The following FGD1 variants were observed in gnomAD, a reference collection of about 807,000 sequenced individuals.
FGD1 encodes FYVE, RhoGEF and PH domain-containing protein 1.
Under a neutral mutation model 65.0 loss-of-function variants are expected in FGD1, and 12 were observed. That is an observed-to-expected ratio of 0.18 (90% CI 0.12 to 0.30). The LOEUF (loss-of-function observed/expected upper bound fraction) is 0.30. Ranked by LOEUF, FGD1 falls within the 10% of genes least tolerant of loss-of-function variation. The probability of loss-of-function intolerance (pLI) is 1.00; values close to 1 mark genes in which losing one functional copy is unlikely to be tolerated. For missense variants in FGD1, 542 were observed against 837.6 expected (o/e 0.65, Z 4.36); for synonymous variants, 333 against 343.9 (o/e 0.97, Z 0.35).
chrX:54,482,441 G>A (rs971272820), intron 1 of FGD1, among the ~76,000 whole-genome samples: 6 of 112,133 alleles, frequency 5.4e-5, no homozygotes, highest in African/African-American at 1.9e-4. Flanking sequence ...AGGAGCTGGG[G>A]ACTTCAGAGG....
intron 1 of FGD1, among the ~76,000 whole-genome samples, chrX:54,493,686 A>G (rs1172546469): frequency 3.6e-5 from 4 of 112,126 alleles, no homozygotes; most frequent in Non-Finnish European, 3.8e-5. Context: ...CACAGTGTCA[A>G]GGGGAGTTTG....
At chrX:54,459,032 G>T (rs1922572132) in intron 8 of FGD1, among the ~76,000 whole-genome samples, 1 of 111,248 alleles carries the variant, frequency 9.0e-6, no homozygotes, top group African/African-American at 3.3e-5. Context: ...AGCTGGGAAT[G>T]ATCTCCCAGC....
At chrX:54,474,426 A>C (rs1922971738) in intron 1 of FGD1, among the ~76,000 whole-genome samples, 1 of 112,641 alleles carries the variant, frequency 8.9e-6, no homozygotes, top group Non-Finnish European at 1.9e-5. Context: ...GCTACATCCC[A>C]GCCAGGTCCA....
At chrX:54,472,420 T>C in intron 1 of FGD1, among the ~76,000 whole-genome samples, 1 of 110,453 alleles carries the variant, frequency 9.1e-6, no homozygotes, top group Non-Finnish European at 1.9e-5. Context: ...ACATCCAGAG[T>C]TCAGGTCACA....
In FGD1 at chrX:54,456,573, G is replaced by C. The variant is rs1249817980; in HGVS notation, c.1637-6C>G. ...GGCGATCAGCTCCAGAGACTCTACA[G>C]GCATAGAGGGGTGAGGTCAGATGGG... On this transcript the variant is annotated splice_region_variant and splice_polypyrimidine_tract_variant and intron_variant, in intron 8 of 17. Coordinates refer to ENST00000375135, the MANE Select transcript of FGD1 (RefSeq NM_004463.3). 1 of 1,203,760 alleles carries C rather than the reference G, an allele frequency of 8.3e-7. No homozygotes were observed. The highest frequency in any genetic ancestry group is 1.7e-5 in the African/African-American group (1 of 57,615).
intron 8 of FGD1, among the ~76,000 whole-genome samples, chrX:54,457,625 A>G (rs1034886974): frequency 9.0e-6 from 1 of 111,729 alleles, no homozygotes; most frequent in Non-Finnish European, 1.9e-5. Flanking sequence ...TAAGAAAAGG[A>G]TACAAACATG....
At chrX:54,453,975 TA>T (rs1356688537) in intron 12 of FGD1, among the ~76,000 whole-genome samples, 1 of 112,230 alleles carries the variant, frequency 8.9e-6, no homozygotes, top group African/African-American at 3.2e-5. Context: ...ATGTTTATTA[TA>T]AAAAACTTCA....
intron 12 of FGD1, among the ~76,000 whole-genome samples, chrX:54,451,486 T>C (rs780877644): frequency 9.1e-6 from 1 of 109,375 alleles, no homozygotes; most frequent in Non-Finnish European, 1.9e-5. Flanking sequence ...GGTTTTGCCA[T>C]GTTGGCCAGG....
chrX:54,470,089 T>C lies in FGD1; in HGVS notation c.1028A>G (p.Asp343Gly). 8.3e-7 allele frequency: 1 copy of C among 1,208,655 alleles called. No individual in the cohort carries two copies. The highest frequency in any genetic ancestry group is 1.1e-6 in the Non-Finnish European group (1 of 894,202). ...CTTCTCTTCCTCCTCCTCCTCGTCG[T>C]CCTCCTCCTCCAGGTCACTGTCAAC... is the stretch of plus-strand genomic sequence containing the variant. Reference protein sequence around the residue: ...QEVDSDLEEEDDEEEEEEKDR... With the variant: ...QEVDSDLEEEGDEEEEEEKDR... Residue 343 changes from aspartate to glycine, a missense_variant, in exon 4 of 18, where the codon GAC becomes GGC. By Grantham distance (94) the Asp-to-Gly change is moderately conservative. Transcript: ENST00000375135.
intron 1 of FGD1, among the ~76,000 whole-genome samples, chrX:54,473,699 G>A (rs961587375): frequency 1.8e-5 from 2 of 112,462 alleles, no homozygotes; most frequent in Admixed American, 1.9e-4. Flanking sequence ...AAGTATACAG[G>A]AAGGGTCAGG....
At chrX:54,476,807 C>G (rs950209179) in intron 1 of FGD1, among the ~76,000 whole-genome samples, 1 of 110,349 alleles carries the variant, frequency 9.1e-6, no homozygotes, top group African/African-American at 3.3e-5. Flanking sequence ...AAAAAGCCCC[C>G]GTCACACACA....
At chrX:54,447,495 C>T (rs1922252026) in intron 16 of FGD1, 41 bp from the exon 17 acceptor site, 1 of 1,182,856 alleles carries the variant, frequency 8.5e-7, no homozygotes, top group South Asian at 1.8e-5. Flanking sequence ...GACAGAAGGC[C>T]TAGCCTGGCT....
chrX:54,477,915 C>T (rs750303716), intron 1 of FGD1, among the ~76,000 whole-genome samples: 6 of 109,231 alleles, frequency 5.5e-5, no homozygotes, highest in East Asian at 5.9e-4. Context: ...GTCAGGAGTT[C>T]GAGACCAGCC....
At position 54,450,276 on chromosome X, in the gene FGD1, C is replaced by T; in HGVS notation, c.2041G>A (p.Val681Ile). 8.3e-7 allele frequency: 1 copy of T among 1,209,845 alleles called. No homozygotes were observed. The highest frequency in any genetic ancestry group is 1.1e-6 in the Non-Finnish European group (1 of 894,042). ...CACAGAGCCTTGGATGTTACCTGGA[C>T]CCAGTCTTTCTTCTCCTCCTCAGTC... Reference protein sequence around the residue: ...ARTEEEKKDWVQAINSTLLKH... With the variant: ...ARTEEEKKDWIQAINSTLLKH... Residue 681 changes from valine to isoleucine, a missense_variant, in exon 13 of 18, where the codon GTC (valine) becomes ATC (isoleucine). This residue lies in a region of FGD1 where 182 missense variants were observed against 311.4 expected (regional missense o/e 0.58). Transcript: ENST00000375135.
intron 16 of FGD1, among the ~76,000 whole-genome samples, chrX:54,447,813 A>G (rs2147421893): frequency 8.9e-6 from 1 of 112,091 alleles, no homozygotes; most frequent in East Asian, 2.8e-4. Context: ...ACTCATTGAG[A>G]GGTAATCTAG....
chrX:54,485,548 A>G (rs1261301542), intron 1 of FGD1, among the ~76,000 whole-genome samples: 1 of 111,130 alleles, frequency 9.0e-6, no homozygotes, highest in Non-Finnish European at 1.9e-5. Flanking sequence ...ACTTCACTGC[A>G]GCCTCGAACT....
At chrX:54,491,235 T>C (rs1923407032) in intron 1 of FGD1, among the ~76,000 whole-genome samples, 1 of 111,564 alleles carries the variant, frequency 9.0e-6, no homozygotes, top group Admixed American at 9.6e-5. Context: ...TTGACACCCC[T>C]CTAGAACCCT....
chrX:54,447,588 G>C (rs753178560), intron 16 of FGD1, 134 bp from the exon 17 acceptor site: 33 of 691,052 alleles, frequency 4.8e-5, no homozygotes, highest in Middle Eastern at 4.6e-4. Context: ...TGGCAGGAGT[G>C]ATTTGTCCAG....
At chrX:54,466,286 A>G (rs1181929174) in intron 6 of FGD1, among the ~76,000 whole-genome samples, 5 of 111,575 alleles carry the variant, frequency 4.5e-5, no homozygotes, top group Admixed American at 1.9e-4. Flanking sequence ...GTGCAGGAGC[A>G]AAGCAAACCA....
Sources: allele counts gnomAD v4.1 joint callset (sites outside exome capture counted in the v4.1 genomes callset), GRCh38; gene constraint gnomAD v4.1.1; regional missense constraint gnomAD v4.1.1; transcripts MANE v1.5; gene names NCBI Gene and HGNC (gene_info 2026-07-23, HGNC 2026-07-21).